Variants in C1QTNF2 observed in about 807,000 individuals in gnomAD.
The protein encoded by C1QTNF2 is C1q and TNF related 2.
Under a neutral mutation model 17.4 loss-of-function variants are expected in C1QTNF2, and 15 were observed. That is an observed-to-expected ratio of 0.86 (90% CI 0.58 to 1.33). C1QTNF2 has a LOEUF of 1.33. C1QTNF2 is among the 40% of genes most tolerant of loss of function. The pLI is 0.00. For synonymous variants in C1QTNF2, 154 were observed against 163.3 expected, an observed-to-expected ratio of 0.94 and a Z score of 0.44; for missense variants, 381 against 392.3, an observed-to-expected ratio of 0.97 and a Z score of 0.24.
At chr5:160,351,803 A>C (rs1280244051) in intron 2 of C1QTNF2, among the ~76,000 whole-genome samples, 1 of 152,116 alleles carries the variant, frequency 6.6e-6, no homozygotes, top group Non-Finnish European at 1.5e-5. Context: ...AAACAAAAAG[A>C]ATGGGAAAAA....
intron 1 of C1QTNF2, among the ~76,000 whole-genome samples, chr5:160,359,602 T>C (rs954579838): frequency 8.5e-5 from 13 of 152,198 alleles, no homozygotes; most frequent in African/African-American, 2.7e-4. Flanking sequence ...AAGTGATGCT[T>C]TTTCTCTCTC....
intron 2 of C1QTNF2, among the ~76,000 whole-genome samples, chr5:160,353,788 CTTTTTTTTTT>C (rs200777932): frequency 3.5e-5 from 3 of 85,978 alleles, no homozygotes; most frequent in African/African-American, 4.8e-5. Context: ...ACTTCTCAGG[CTTTTTTTTTT>C]TTTTTTTTTT....
At chr5:160,354,593 AAAAAGTAT>A (rs1430437519) in intron 2 of C1QTNF2, among the ~76,000 whole-genome samples, 167 bp downstream of exon 2, 2,873 of 30,548 alleles carry the variant, frequency 0.094, 192 homozygotes, top group East Asian at 0.4. Context: ...GGAAAAAAAA[AAAAAGTAT>A]ATATATATAT....
chr5:160,354,704 G>A, intron 2 of C1QTNF2, 64 bp downstream of exon 2: 1 of 1,588,356 alleles, frequency 6.3e-7, no homozygotes, highest in Non-Finnish European at 8.6e-7. Context: ...ACTTCATGAT[G>A]CCCCCCACAT....
intron 2 of C1QTNF2, 137 bp downstream of exon 2, chr5:160,354,631 T>TCG: frequency 4.5e-6 from 1 of 220,680 alleles, no homozygotes; most frequent in Non-Finnish European, 7.9e-6. Flanking sequence ...TATATATATA[T>TCG]ATAGATTTAT....
intron 2 of C1QTNF2, among the ~76,000 whole-genome samples, chr5:160,351,268 G>T (rs1763917519): frequency 6.6e-6 from 1 of 152,104 alleles, no homozygotes. Context: ...AATCAATTTA[G>T]TTTATGTCCC....
chr5:160,362,126 C>T (rs1764165866), intron 1 of C1QTNF2, among the ~76,000 whole-genome samples: 1 of 152,096 alleles, frequency 6.6e-6, no homozygotes, highest in African/African-American at 2.4e-5. Context: ...GAGAAAAATC[C>T]CAGGCAGCAA....
chr5:160,365,483 G>A (rs893126513), intron 1 of C1QTNF2, among the ~76,000 whole-genome samples: 2 of 152,066 alleles, frequency 1.3e-5, no homozygotes, highest in African/African-American at 4.8e-5. Context: ...AGGCTGAGGT[G>A]GGGGGATCAC....
rs1224056251 is a variant in C1QTNF2 at position 160,370,515 on chromosome 5, C to A, written c.-13G>T. On this transcript the variant is annotated 5_prime_UTR_variant, in exon 1 of 3. Coordinates refer to ENST00000652664, the MANE Select transcript of C1QTNF2 (RefSeq NM_031908.6). ...GACCGCGGTGCGGGACACTCACCCT[C>A]GCGGCTGCCCGCCACGTCCAGGGGC... The A allele has an allele frequency of 2.0e-6, 3 of 1,479,912 alleles. No individual in the cohort carries two copies. Among genetic ancestry groups the A allele is most frequent in the Middle Eastern group, 3.7e-4 (2 of 5,464 alleles). 91.7% of individuals were successfully genotyped at this position (1,479,912 alleles called of 1,614,324 possible). A position where few individuals can be genotyped will look rare whatever the true frequency, so the allele number is the denominator to read the frequency against.
In C1QTNF2 at chr5:160,370,565, G is replaced by A. The variant is rs1457554989; in HGVS notation, c.-63C>T. The A allele has an allele frequency of 7.6e-6, 11 of 1,442,242 alleles. No individual in the cohort carries two copies. The highest frequency in any genetic ancestry group is 9.9e-6 in the Non-Finnish European group (11 of 1,105,610). 89.3% of individuals were successfully genotyped at this position (1,442,242 alleles called of 1,614,324 possible). On this transcript the variant is annotated 5_prime_UTR_variant, in exon 1 of 3. Coordinates refer to ENST00000652664, the MANE Select transcript of C1QTNF2 (RefSeq NM_031908.6). Reference sequence around the variant, plus strand: ...CGTCCGGAGCAAAGAAGCTCTCGGCGGGGCTCCGCGTCCCGGCTTTCCTCA... The same window carrying A: ...CGTCCGGAGCAAAGAAGCTCTCGGCAGGGCTCCGCGTCCCGGCTTTCCTCA...
chr5:160,353,737 T>G (rs1763971006), intron 2 of C1QTNF2, among the ~76,000 whole-genome samples: 1 of 150,634 alleles, frequency 6.6e-6, no homozygotes, highest in Non-Finnish European at 1.5e-5. Context: ...CAATGATATT[T>G]GAGCTCCTGG....
chr5:160,355,385 G>A (rs1336951440), intron 1 of C1QTNF2: 1 of 335,832 alleles, frequency 3.0e-6, no homozygotes, highest in African/African-American at 2.2e-5. Context: ...ATCCAAATCT[G>A]TGGCATGAAT....
At position 160,349,626 on chromosome 5, in the gene C1QTNF2, C is replaced by T. The variant is rs746404084; in HGVS notation, c.400G>A (p.Glu134Lys). The change falls in exon 3 of 3, where the codon GAG becomes AAG. Residue 134 changes from glutamate (E) to lysine (K), a missense_variant. By Grantham distance (56) the Glu-to-Lys change is moderately conservative. Transcript: ENST00000652664. The surrounding 1 kb of genome is among the most constrained non-coding windows in gnomAD (Gnocchi z 4.3). ...GKKGPKGKKG[E>K]PGLPGPCSCG... ...CTGCAGGGGCCTGGGAGGCCTGGCT[C>T]CCCCTTCTTGCCCTTGGGCCCCTTC... 1.2e-6 allele frequency: 2 copies of T among 1,613,588 alleles called. No homozygotes were observed. The highest frequency in any genetic ancestry group is 8.5e-7 in the Non-Finnish European group (1 of 1,179,934).
intron 1 of C1QTNF2, among the ~76,000 whole-genome samples, chr5:160,362,346 T>C (rs1764169829): frequency 6.6e-6 from 1 of 152,146 alleles, no homozygotes; most frequent in African/African-American, 2.4e-5. Context: ...TAGAAATGAG[T>C]GGCACCACAG....
At chr5:160,370,480 G>A in intron 1 of C1QTNF2, 32 bp downstream of exon 1, 3 of 1,405,354 alleles carry the variant, frequency 2.1e-6, no homozygotes, top group South Asian at 1.6e-5. Flanking sequence ...CGCACTTGCC[G>A]CCCCCGCCCG....
At chr5:160,352,726 C>A (rs1010003601) in intron 2 of C1QTNF2, among the ~76,000 whole-genome samples, 2 of 152,194 alleles carry the variant, frequency 1.3e-5, no homozygotes, top group African/African-American at 4.8e-5. Flanking sequence ...GATACCAGTG[C>A]CCAGCACGCT....
intron 1 of C1QTNF2, among the ~76,000 whole-genome samples, chr5:160,356,491 G>C (rs1473812270): frequency 6.6e-6 from 1 of 152,238 alleles, no homozygotes; most frequent in Admixed American, 6.5e-5. Context: ...AAGTTTCCAA[G>C]GGATGCTGCT....
At position 160,349,090 on chromosome 5, in the gene C1QTNF2, G is replaced by A; in HGVS notation, c.*78C>T. On this transcript the variant is annotated 3_prime_UTR_variant, in exon 3 of 3. Coordinates refer to ENST00000652664, the MANE Select transcript of C1QTNF2 (RefSeq NM_031908.6). This position sits in a 1 kb window ranked among gnomAD's most constrained non-coding sequence, Gnocchi z 4.3. ...CCGCTCACTCGACCCCCCACCCCCA[G>A]CCTACAGTTGTGGGGTCTTGCTCTG... is the stretch of plus-strand genomic sequence containing the variant. The A allele has an allele frequency of 6.6e-7, 1 of 1,513,356 alleles. No individual in the cohort carries two copies. Among genetic ancestry groups the A allele is most frequent in the Non-Finnish European group, 8.9e-7 (1 of 1,128,608 alleles). 93.7% of individuals were successfully genotyped at this position (1,513,356 alleles called of 1,614,324 possible).
intron 1 of C1QTNF2, among the ~76,000 whole-genome samples, chr5:160,369,246 C>A (rs1013753052): frequency 6.6e-6 from 1 of 152,050 alleles, no homozygotes; most frequent in African/African-American, 2.4e-5. Context: ...AGCGTCGTTA[C>A]TTTTATAACA....
Sources: allele counts gnomAD v4.1 joint callset (sites outside exome capture counted in the v4.1 genomes callset), GRCh38; gene constraint gnomAD v4.1.1; non-coding constraint Gnocchi (gnomAD v3.1); transcripts MANE v1.5; gene names NCBI Gene and HGNC (gene_info 2026-07-23, HGNC 2026-07-21).